KCNC2: variants seen among roughly 807,000 people sequenced by gnomAD.
KCNC2 encodes the protein potassium voltage-gated channel subfamily C member 2, also known as voltage-gated potassium channel KCNC2.
In KCNC2, 21 loss-of-function variants were observed where a neutral mutation model predicts 44.5. That is an observed-to-expected ratio of 0.47 (90% CI 0.33 to 0.68). The LOEUF (loss-of-function observed/expected upper bound fraction) is 0.68, where lower values mean the gene tolerates loss of function less well. KCNC2 is among the 30% of genes least tolerant of loss of function. KCNC2 has a pLI of 0.01. For synonymous variants in KCNC2, 391 were observed against 339.1 expected (o/e 1.15, Z -1.68); for missense variants, 589 against 826.2 (o/e 0.71, Z 3.52).
chr12:75,171,812 T>A (rs1463481512), intron 2 of KCNC2, among the ~76,000 whole-genome samples: 1 of 151,888 alleles, frequency 6.6e-6, no homozygotes, highest in East Asian at 1.9e-4. Flanking sequence ...GTGTTGGATA[T>A]CTCAGTTAAC....
At chr12:75,204,005 G>A (rs1483772398) in intron 2 of KCNC2, among the ~76,000 whole-genome samples, 2 of 151,776 alleles carry the variant, frequency 1.3e-5, no homozygotes, top group African/African-American at 2.4e-5. Flanking sequence ...AATATACAGT[G>A]CATCACATTT....
chr12:75,042,657 T>C lies in KCNC2; in HGVS notation c.*448A>G. The C allele has an allele frequency of 3.3e-6, 4 of 1,217,824 alleles. No homozygotes were observed. In the South Asian group the frequency reaches 7.3e-5, roughly 22 times the overall value. The allele number at this position is 1,217,824 out of a possible 1,614,324, so 75.4% of individuals were successfully genotyped here. A position where few individuals can be genotyped will look rare whatever the true frequency, so the allele number is the denominator to read the frequency against. On this transcript the variant is annotated 3_prime_UTR_variant, in exon 5 of 5. Transcript: ENST00000549446. ...CTTTCAGGTGATAGAGACAAGATGG[T>C]CCATGCAAATGAGCTGACACAAGTC...
Position 75,177,032 on chromosome 12 carries a change from T to TTATATATATATATA in KCNC2, c.687+30251_687+30264dup, listed in dbSNP as rs3073537. 5.0e-3 allele frequency among the ~76,000 whole-genome samples: 698 copies of TTATATATATATATA among 139,798 alleles called. 6 individuals are homozygous for TTATATATATATATA. Among genetic ancestry groups the TTATATATATATATA allele is most frequent in the African/African-American group, 0.018 (667 of 36,788 alleles). 91.7% of individuals were successfully genotyped at this position (139,798 alleles called of 152,430 possible). On this transcript the variant is annotated intron_variant, in intron 2 of 4. Transcript: ENST00000549446. ...GGTAAGTGAAGTGATGCTGCAAGTT[T>TTATATATATATATA]TATATATATATATATATATATATAT... is the stretch of plus-strand genomic sequence containing the variant.
chr12:75,194,032 G>A (rs566823716), intron 2 of KCNC2, among the ~76,000 whole-genome samples: 6 of 151,912 alleles, frequency 3.9e-5, no homozygotes, highest in East Asian at 1.9e-4. Context: ...GATACAACAC[G>A]CAGATATGAA....
chr12:75,206,723 C>T (rs1053899921), intron 2 of KCNC2, among the ~76,000 whole-genome samples: 1 of 152,192 alleles, frequency 6.6e-6, no homozygotes, highest in Non-Finnish European at 1.5e-5. Context: ...GCCCAAACAA[C>T]GTTCTGGAGA....
rs372863813 is a variant in KCNC2 at position 75,125,685 on chromosome 12, A to C, written c.688-74368T>G. Among the ~76,000 whole-genome samples the C allele has an allele frequency of 2.8e-3, 434 of 152,324 alleles. 1 individual carries two copies. Among genetic ancestry groups the C allele is most frequent in the Non-Finnish European group, 4.0e-3 (273 of 68,032 alleles). ...ATTAGCTAGCACTATTAGAATTTGT[A>C]GGGTCAGTCATGAGAAGAATTGTGA... On this transcript the variant is annotated intron_variant, in intron 2 of 4. Coordinates refer to ENST00000549446, the MANE Select transcript of KCNC2 (RefSeq NM_139137.4).
chr12:75,130,701 G>A (rs1450235539), intron 2 of KCNC2, among the ~76,000 whole-genome samples: 1 of 151,712 alleles, frequency 6.6e-6, no homozygotes, highest in Non-Finnish European at 1.5e-5. Flanking sequence ...TGAGGACAAG[G>A]ATTTTTTATT....
chr12:75,087,377 T>A (rs1885115171), intron 2 of KCNC2, among the ~76,000 whole-genome samples: 1 of 152,090 alleles, frequency 6.6e-6, no homozygotes, highest in Admixed American at 6.6e-5. Context: ...CTTTGATTTA[T>A]ACATGCTTTG....
rs189218099 is a variant in KCNC2 at position 75,207,266 on chromosome 12, G to A, written c.687+31C>T. 3.3e-3 allele frequency: 5,029 copies of A among 1,511,092 alleles called. 10 individuals carry two copies. The highest frequency in any genetic ancestry group is 4.1e-3 in the Non-Finnish European group (4,617 of 1,133,906). 93.6% of individuals were successfully genotyped at this position (1,511,092 alleles called of 1,614,324 possible). A position where few individuals can be genotyped will look rare whatever the true frequency, so the allele number is the denominator to read the frequency against. On this transcript the variant is annotated intron_variant, in intron 2 of 4. Coordinates refer to ENST00000549446, the MANE Select transcript of KCNC2 (RefSeq NM_139137.4). The surrounding 1 kb of genome is among the most constrained non-coding windows in gnomAD (Gnocchi z 4.1). ...GGGGAGGGAGTTGGGAGAAGTTGAA[G>A]CAGCAGGGAAGGGGTCGATTCTGGC...
intron 2 of KCNC2, among the ~76,000 whole-genome samples, chr12:75,181,856 T>C: frequency 6.8e-6 from 1 of 148,056 alleles, no homozygotes; most frequent in East Asian, 2.1e-4. Context: ...TCACATCTCT[T>C]CAATCATTTA....
At chr12:75,131,017 G>A (rs1888806749) in intron 2 of KCNC2, among the ~76,000 whole-genome samples, 1 of 152,086 alleles carries the variant, frequency 6.6e-6, no homozygotes, top group South Asian at 2.1e-4. Flanking sequence ...ATAAACATAT[G>A]TTGAGAAAAG....
chr12:75,043,306 C>G, intron 4 of KCNC2, 65 bp from the exon 5 acceptor site: 1 of 1,560,648 alleles, frequency 6.4e-7, no homozygotes, highest in East Asian at 2.3e-5. Flanking sequence ...CAAATAATAC[C>G]ATGCAGGGCA....
intron 2 of KCNC2, among the ~76,000 whole-genome samples, chr12:75,052,651 GCC>G (rs1881303624): frequency 6.6e-6 from 1 of 152,072 alleles, no homozygotes; most frequent in Non-Finnish European, 1.5e-5. Flanking sequence ...ATCCAAAGTT[GCC>G]CCTAATATCT....
At chr12:75,086,660 CAAAAAAAAAA>C (rs751242858) in intron 2 of KCNC2, among the ~76,000 whole-genome samples, 5 of 116,978 alleles carry the variant, frequency 4.3e-5, no homozygotes, top group African/African-American at 1.2e-4. Flanking sequence ...GTTCATTTGG[CAAAAAAAAAA>C]AAAAAAAAAA....
chr12:75,100,939 A>G (rs1016137264), intron 2 of KCNC2, among the ~76,000 whole-genome samples: 4 of 152,146 alleles, frequency 2.6e-5, no homozygotes, highest in Non-Finnish European at 5.9e-5. Flanking sequence ...TGAATTATGT[A>G]CATTAATTTT....
At chr12:75,157,742 A>G (rs1010024074) in intron 2 of KCNC2, among the ~76,000 whole-genome samples, 1 of 151,930 alleles carries the variant, frequency 6.6e-6, no homozygotes, top group Non-Finnish European at 1.5e-5. Context: ...TAAACTCTGA[A>G]TGAGACTCTG....
At chr12:75,043,821 A>C (rs1163541420) in intron 4 of KCNC2, 5 of 1,388,062 alleles carry the variant, frequency 3.6e-6, no homozygotes, top group Non-Finnish European at 3.9e-6. Context: ...TTCCTTGGGT[A>C]AGAAAAGTAA....
intron 2 of KCNC2, among the ~76,000 whole-genome samples, chr12:75,104,879 TA>T (rs1886654334): frequency 6.6e-6 from 1 of 152,164 alleles, no homozygotes; most frequent in South Asian, 2.1e-4. Context: ...CACTTCCTTT[TA>T]AGTAATAAAA....
intron 2 of KCNC2, among the ~76,000 whole-genome samples, chr12:75,166,998 T>C (rs187677279): frequency 6.6e-6 from 1 of 151,098 alleles, no homozygotes; most frequent in East Asian, 2.0e-4. Context: ...AAACCAAAAT[T>C]TAGTTTTTTC....
Sources: gnomAD v4.1 joint callset for allele counts (sites outside exome capture counted in the v4.1 genomes callset) on GRCh38, gnomAD v4.1.1 for gene constraint, Gnocchi (gnomAD v3.1) non-coding constraint, MANE v1.5 for transcripts, NCBI Gene and HGNC (gene_info 2026-07-23, HGNC 2026-07-21) for gene names.